RNF41: variants seen among roughly 807,000 people sequenced by gnomAD.
RNF41 encodes E3 ubiquitin-protein ligase NRDP1.
In RNF41, 4 loss-of-function variants were observed where a neutral mutation model predicts 33.0. The observed-to-expected ratio is 0.12, with a 90% CI of 0.06 to 0.28. The LOEUF (loss-of-function observed/expected upper bound fraction) is 0.28, where lower values mean the gene tolerates loss of function less well. Ranked by LOEUF, RNF41 falls within the 10% of genes least tolerant of loss-of-function variation. RNF41 has a pLI of 1.00. For synonymous variants in RNF41, 164 were observed against 153.2 expected (o/e 1.07, Z -0.52); for missense variants, 228 against 432.6 (o/e 0.53, Z 4.19).
chr12:56,206,414 T>G lies in RNF41; in HGVS notation c.*33A>C, dbSNP rs1218387818. The G allele has an allele frequency of 6.4e-7, 1 of 1,553,906 alleles. No homozygotes were observed. ...TGCTGGAGTGATGGGATTTTCTGAT[T>G]TCCATCTCTTCCTGATAGCCAGTCG... On this transcript the variant is annotated 3_prime_UTR_variant, in exon 7 of 7. Coordinates refer to ENST00000345093, the MANE Select transcript of RNF41 (RefSeq NM_005785.4). This position sits in a 1 kb window ranked among gnomAD's most constrained non-coding sequence, Gnocchi z 5.7.
rs975010827 is a variant in RNF41, at chr12:56,210,451, G to A, written c.208C>T (p.Arg70Trp). The change falls in exon 4 of 7, where the codon CGG becomes TGG. Residue 70 changes from arginine to tryptophan, a missense_variant. Physicochemically the swap from Arg to Trp is moderately radical, Grantham distance 101. This residue lies in a region of RNF41 where 29 missense variants were observed against 98.0 expected (regional missense o/e 0.30). Transcript: ENST00000345093. ...TTTGACAACATGTTCCGCATGATCCGAGGTACTGGGCGCAGATGGGCGACC... is the reference window on the plus strand; with the variant it reads ...TTTGACAACATGTTCCGCATGATCCAAGGTACTGGGCGCAGATGGGCGACC... Reference protein sequence around the residue: ...VTVAHLRPVPRIMRNMLSKLQ... With the variant: ...VTVAHLRPVPWIMRNMLSKLQ... 6.2e-7 allele frequency: 1 copy of A among 1,614,090 alleles called. No homozygotes were observed.
chr12:56,207,743 C>T lies in RNF41; in HGVS notation c.505G>A (p.Asp169Asn). Residue 169 changes from aspartate to asparagine, a missense_variant, in exon 6 of 7, where the codon GAC becomes AAC. Physicochemically the swap from Asp to Asn is conservative, Grantham distance 23. Around this residue, in one of 2 missense-constraint regions of RNF41, gnomAD observed 199 missense variants for 334.6 expected, o/e 0.59. Transcript: ENST00000345093. ...HKHQLAEQKRDIQLLKAYMRA... is the reference protein window; with the variant it reads ...HKHQLAEQKRNIQLLKAYMRA... ...ATGTATGCCTTTAGCAGCTGGATGT[C>T]TCGCTTCTGTTGTGGGGAAGAAGAA... 1 of 1,613,554 alleles carries T rather than the reference C, an allele frequency of 6.2e-7. No homozygotes were observed.
chr12:56,209,211 C>T (rs1453558909), intron 4 of RNF41, among the ~76,000 whole-genome samples: 1 of 152,150 alleles, frequency 6.6e-6, no homozygotes, highest in African/African-American at 2.4e-5. Context: ...CACAGCTCTC[C>T]TTTTCCTCCT....
intron 6 of RNF41, chr12:56,207,377 G>A: frequency 1.0e-6 from 1 of 953,670 alleles, no homozygotes; most frequent in Non-Finnish European, 1.6e-6. Flanking sequence ...TTTAATACAG[G>A]GCTTTGTACA....
chr12:56,212,097 A>G (rs1868525938), intron 3 of RNF41, among the ~76,000 whole-genome samples: 1 of 152,256 alleles, frequency 6.6e-6, no homozygotes, highest in Non-Finnish European at 1.5e-5. Flanking sequence ...ACTGGCCAAC[A>G]TGGTGAAACA....
intron 2 of RNF41, among the ~76,000 whole-genome samples, chr12:56,215,653 A>T (rs955482241): frequency 2.9e-5 from 4 of 136,988 alleles, no homozygotes; most frequent in Non-Finnish European, 4.6e-5. Flanking sequence ...CAGGAGGCGG[A>T]GGTTGCAGTG....
chr12:56,208,085 C>A, intron 5 of RNF41, 78 bp downstream of exon 5: 1 of 1,557,236 alleles, frequency 6.4e-7, no homozygotes. Flanking sequence ...TGTGTGTTCA[C>A]AACTGGTTTT....
In RNF41 at chr12:56,206,120, C is replaced by T; in HGVS notation, c.*327G>A. 2 of 279,132 alleles carry T rather than the reference C, an allele frequency of 7.2e-6. No individual in the cohort carries two copies. Among genetic ancestry groups the T allele is most frequent in the African/African-American group, 2.2e-5 (1 of 45,842 alleles). 17.3% of individuals were successfully genotyped at this position (279,132 alleles called of 1,614,324 possible). ...GATTCCTTCCTCTGTCCTGATCCTC[C>T]AGGGAAATTGAATCTCTTTGTGCTT... On this transcript the variant is annotated 3_prime_UTR_variant, in exon 7 of 7. Coordinates refer to ENST00000345093, the MANE Select transcript of RNF41 (RefSeq NM_005785.4). The surrounding 1 kb of genome is among the most constrained non-coding windows in gnomAD (Gnocchi z 5.7).
At position 56,206,575 on chromosome 12, in the gene RNF41, C is replaced by T. The variant is rs1196333882; in HGVS notation, c.826G>A (p.Val276Met). Reference protein sequence around the residue: ...QMNRRYYENYVAKRIPGKQAV... With the variant: ...QMNRRYYENYMAKRIPGKQAV... The stretch of plus-strand genomic sequence containing the variant: ...TGCTTGCCAGGGATGCGCTTGGCCA[C>T]GTAGTTCTCATAGTAGCGTCGGTTC... The change falls in exon 7 of 7, where the codon GTG becomes ATG. Residue 276 changes from valine (V) to methionine (M), a missense_variant. By Grantham distance (21) the Val-to-Met change is conservative (BLOSUM62 1). Around this residue, in one of 2 missense-constraint regions of RNF41, gnomAD observed 199 missense variants for 334.6 expected, o/e 0.59. Coordinates refer to ENST00000345093, the MANE Select transcript of RNF41 (RefSeq NM_005785.4). The surrounding 1 kb of genome is among the most constrained non-coding windows in gnomAD (Gnocchi z 5.7). The T allele has an allele frequency of 2.5e-6, 4 of 1,614,182 alleles. 1 individual carries two copies. The highest frequency in any genetic ancestry group is 2.2e-5 in the East Asian group (1 of 44,884).
chr12:56,217,405 G>A (rs1373246397), intron 1 of RNF41, among the ~76,000 whole-genome samples: 1 of 151,986 alleles, frequency 6.6e-6, no homozygotes, highest in Non-Finnish European at 1.5e-5. Flanking sequence ...AAATTAGCCG[G>A]GTATGGTGGC....
Position 56,202,227 on chromosome 12 carries a change from GA to G in RNF41, c.*4219del, listed in dbSNP as rs1236442135. 2 of 139,278 alleles carry G rather than the reference GA, an allele frequency of 1.4e-5. No individual in the cohort carries two copies. The highest frequency in any genetic ancestry group is 4.6e-4 in the East Asian group (2 of 4,376). The allele number at this position is 139,278 out of a possible 1,614,324, so 8.6% of individuals were successfully genotyped here. The stretch of plus-strand genomic sequence containing the variant: ...TTTTACTAGTATTAAAACAGATTAA[GA>G]CAATTCCAGGTGCAGTAGCCCCAGC... On this transcript the variant is annotated 3_prime_UTR_variant, in exon 7 of 7. Transcript: ENST00000345093.
intron 1 of RNF41, among the ~76,000 whole-genome samples, chr12:56,218,497 G>A (rs1251537895): frequency 6.6e-6 from 1 of 151,298 alleles, no homozygotes; most frequent in Non-Finnish European, 1.5e-5. Flanking sequence ...TCCTGGGCAG[G>A]CTCCAGCAAT....
chr12:56,207,118 C>G lies in RNF41; in HGVS notation c.603-320G>C, dbSNP rs1474153426. ...TGAATAAAACAATTATTCCTCTATC[C>G]TATGTCCCACTCAGCACTATTTGCC... On this transcript the variant is annotated intron_variant, in intron 6 of 6. Transcript: ENST00000345093. 4 of 1,314,514 alleles carry G rather than the reference C, an allele frequency of 3.0e-6. No homozygotes were observed. The Admixed American group carries it at 1.1e-4, about 37-fold the overall frequency. The allele number at this position is 1,314,514 out of a possible 1,614,324, so 81.4% of individuals were successfully genotyped here.
chr12:56,206,149 G>C lies in RNF41; in HGVS notation c.*298C>G, dbSNP rs1009409138. 9 of 344,500 alleles carry C rather than the reference G, an allele frequency of 2.6e-5. No individual in the cohort carries two copies. The highest frequency in any genetic ancestry group is 1.9e-4 in the African/African-American group (9 of 48,124). The allele number at this position is 344,500 out of a possible 1,614,324, so 21.3% of individuals were successfully genotyped here. On this transcript the variant is annotated 3_prime_UTR_variant, in exon 7 of 7. Transcript: ENST00000345093. This position sits in a 1 kb window ranked among gnomAD's most constrained non-coding sequence, Gnocchi z 5.7. ...GAAATTGAATCTCTTTGTGCTTTCTGAAAATAACTGGAACCAGGGACCCTA... is the reference window on the plus strand; with the variant it reads ...GAAATTGAATCTCTTTGTGCTTTCTCAAAATAACTGGAACCAGGGACCCTA...
At chr12:56,210,051 CTTTAATGTTATTA>C in intron 4 of RNF41, 1 of 546,564 alleles carries the variant, frequency 1.8e-6, no homozygotes, top group South Asian at 2.2e-5. Flanking sequence ...GTCAATCAAG[CTTTAATGTTATTA>C]CACAAATTTA....
chr12:56,215,197 A>C (rs1868782041), intron 2 of RNF41, among the ~76,000 whole-genome samples: 3 of 152,230 alleles, frequency 2.0e-5, no homozygotes, highest in African/African-American at 7.2e-5. Context: ...GTCAAGAGAC[A>C]AGGCTGGAGA....
chr12:56,208,817 C>A (rs1030180262), intron 4 of RNF41, among the ~76,000 whole-genome samples: 1 of 151,068 alleles, frequency 6.6e-6, no homozygotes, highest in African/African-American at 2.4e-5. Context: ...CTGCCCCCCT[C>A]GGCCTTCCAA....
intron 1 of RNF41, among the ~76,000 whole-genome samples, chr12:56,221,021 TCAATAACAGCCC>T (rs2135821514): frequency 6.6e-6 from 1 of 152,298 alleles, no homozygotes; most frequent in African/African-American, 2.4e-5. Flanking sequence ...AACAGTGGCC[TCAATAACAGCCC>T]CACTTGCTAT....
chr12:56,210,222 G>A (rs1868378008), intron 4 of RNF41, 75 bp downstream of exon 4: 7 of 1,534,044 alleles, frequency 4.6e-6, no homozygotes, highest in South Asian at 1.2e-5. Context: ...CTCAGCTAGT[G>A]AGGAGGGCAG....
Sources: gnomAD v4.1 joint callset for allele counts (sites outside exome capture counted in the v4.1 genomes callset) on GRCh38, gnomAD v4.1.1 for gene constraint, gnomAD v4.1.1 regional missense constraint, Gnocchi (gnomAD v3.1) non-coding constraint, MANE v1.5 for transcripts, NCBI Gene and HGNC (gene_info 2026-07-23, HGNC 2026-07-21) for gene names.